Variants in PRDM16 observed in about 807,000 individuals in gnomAD.
PRDM16 encodes histone-lysine N-methyltransferase PRDM16.
PRDM16 carries 23 observed loss-of-function variants against 110.6 expected under a neutral mutation model. The ratio of observed to expected loss-of-function variants is 0.21; its 90% CI spans 0.15 to 0.29. The LOEUF (loss-of-function observed/expected upper bound fraction) is 0.29. Among genes scored for constraint, PRDM16 ranks in the 10% least tolerant of loss-of-function variants. The probability of loss-of-function intolerance (pLI) is 1.00; values close to 1 mark genes in which losing one functional copy is unlikely to be tolerated. For synonymous variants in PRDM16, 799 were observed against 781.8 expected, an observed-to-expected ratio of 1.02 and a Z score of -0.37; for missense variants, 1,615 against 1,794.3, an observed-to-expected ratio of 0.90 and a Z score of 1.81.
rs532370656 is a variant in PRDM16, at chr1:3,090,951, G to A, written c.37+21655G>A. Among the ~76,000 whole-genome samples the A allele has an allele frequency of 1.2e-4, 18 of 152,338 alleles. 1 individual carries two copies. The South Asian group carries it at 3.7e-3, about 32-fold the overall frequency. On this transcript the variant is annotated intron_variant, in intron 1 of 16. Transcript: ENST00000270722. The stretch of plus-strand genomic sequence containing the variant: ...TTGTGTGTGATCTATGGGGAGCCAC[G>A]AACGAGAAGCAGACAGCCCCCAGGG...
rs535905719 is a variant in PRDM16, at chr1:3,258,507, G to A, written c.438+14370G>A. 6.2e-4 allele frequency among the ~76,000 whole-genome samples: 95 copies of A among 152,232 alleles called. 1 individual carries two copies. Among genetic ancestry groups the A allele is most frequent in the Middle Eastern group, 6.8e-3 (2 of 294 alleles). Reference sequence around the variant, plus strand: ...CTGCATTGGGAAACTGTTTCTTCTTGCCCAGTTAACAAGATGTTTCTCCAG... The same window carrying A: ...CTGCATTGGGAAACTGTTTCTTCTTACCCAGTTAACAAGATGTTTCTCCAG... On this transcript the variant is annotated intron_variant, in intron 3 of 16. Coordinates refer to ENST00000270722, the MANE Select transcript of PRDM16 (RefSeq NM_022114.4).
At chr1:3,383,811 G>A (rs926006195) in intron 3 of PRDM16, among the ~76,000 whole-genome samples, 6 of 149,602 alleles carry the variant, frequency 4.0e-5, no homozygotes, top group Non-Finnish European at 7.4e-5. Flanking sequence ...ACCCCTGCCC[G>A]CCCAGACACA....
At position 3,110,830 on chromosome 1, in the gene PRDM16, G is replaced by A. The variant is rs144177593; in HGVS notation, c.37+41534G>A. ...GGGAGGGATGGAGGCCACGTGTGAG[G>A]GGCACATGCTTGGGGCCGGGATGAG... On this transcript the variant is annotated intron_variant, in intron 1 of 16. Coordinates refer to ENST00000270722, the MANE Select transcript of PRDM16 (RefSeq NM_022114.4). Among the ~76,000 whole-genome samples, 1,268 of 152,276 alleles carry A rather than the reference G, an allele frequency of 8.3e-3. 19 individuals carry two copies. The highest frequency in any genetic ancestry group is 0.029 in the African/African-American group (1,216 of 41,548).
At chr1:3,092,570 C>T (rs568862638) in intron 1 of PRDM16, among the ~76,000 whole-genome samples, 42 of 152,320 alleles carry the variant, frequency 2.8e-4, no homozygotes, top group Non-Finnish European at 5.3e-4. Flanking sequence ...TTCTGGTCAG[C>T]GAGTGGGAAA....
chr1:3,249,267 G>A (rs1336550040), intron 3 of PRDM16, among the ~76,000 whole-genome samples: 3 of 152,148 alleles, frequency 2.0e-5, no homozygotes, highest in Non-Finnish European at 4.4e-5. Context: ...TGGAGAGATG[G>A]AGGGACCCTC....
chr1:3,105,087 T>TCAG (rs781059819), intron 1 of PRDM16, among the ~76,000 whole-genome samples: 10 of 151,958 alleles, frequency 6.6e-5, no homozygotes, highest in Non-Finnish European at 1.3e-4. Flanking sequence ...GAAGAAGCTG[T>TCAG]CAGGAGTGCC....
chr1:3,136,943 C>A (rs542844893), intron 1 of PRDM16, among the ~76,000 whole-genome samples: 66 of 152,324 alleles, frequency 4.3e-4, no homozygotes, highest in African/African-American at 1.5e-3. Context: ...TCCTGCTGCC[C>A]CTGGCTCTGG....
intron 3 of PRDM16, among the ~76,000 whole-genome samples, chr1:3,281,401 A>G (rs1640709013): frequency 6.6e-6 from 1 of 152,228 alleles, no homozygotes; most frequent in African/African-American, 2.4e-5. Flanking sequence ...ACTATATGAA[A>G]TCGAAATAGG....
chr1:3,218,730 C>A (rs1639087003), intron 2 of PRDM16, among the ~76,000 whole-genome samples: 1 of 152,204 alleles, frequency 6.6e-6, no homozygotes, highest in Non-Finnish European at 1.5e-5. Context: ...CTTTTCTACT[C>A]TTGGCAGCGA....
intron 8 of PRDM16, among the ~76,000 whole-genome samples, chr1:3,406,377 G>T (rs937761746): frequency 1.3e-5 from 2 of 152,116 alleles, no homozygotes; most frequent in Non-Finnish European, 2.9e-5. Flanking sequence ...GGAGGCTCAG[G>T]AGGGAGCTGT....
intron 2 of PRDM16, among the ~76,000 whole-genome samples, chr1:3,228,352 C>A (rs1639338855): frequency 6.6e-6 from 1 of 152,212 alleles, no homozygotes; most frequent in Non-Finnish European, 1.5e-5. Context: ...AGCCCCACCC[C>A]CAGAAAATTC....
intron 3 of PRDM16, among the ~76,000 whole-genome samples, chr1:3,267,292 T>C (rs1355188680): frequency 6.6e-6 from 1 of 152,212 alleles, no homozygotes; most frequent in Non-Finnish European, 1.5e-5. Context: ...GCTAAAATGT[T>C]CACTGAACAT....
chr1:3,194,039 G>C (rs1008178243), intron 2 of PRDM16, among the ~76,000 whole-genome samples: 1 of 152,250 alleles, frequency 6.6e-6, no homozygotes, highest in Non-Finnish European at 1.5e-5. Flanking sequence ...TTTACGGCCT[G>C]GGCCGAGAGC....
At position 3,195,087 on chromosome 1, in the gene PRDM16, C is replaced by T. The variant is rs142835380; in HGVS notation, c.387+8613C>T. ...TTCCCGTGGAGCCAGCACCGGGCAG[C>T]TCGGCGAGGCACACAGCGTCGGGAT... is the stretch of plus-strand genomic sequence containing the variant. On this transcript the variant is annotated intron_variant, in intron 2 of 16. Coordinates refer to ENST00000270722, the MANE Select transcript of PRDM16 (RefSeq NM_022114.4). Among the ~76,000 whole-genome samples the T allele has an allele frequency of 1.5e-4, 23 of 152,314 alleles. No homozygotes were observed. The East Asian group carries it at 4.4e-3, about 29-fold the overall frequency.
chr1:3,155,578 G>A (rs1643847760), intron 1 of PRDM16, among the ~76,000 whole-genome samples: 4 of 152,356 alleles, frequency 2.6e-5, no homozygotes, highest in South Asian at 2.1e-4. Flanking sequence ...CAGCGTTGCC[G>A]CGTCTCACCC....
chr1:3,357,402 G>A (rs1642628683), intron 3 of PRDM16, among the ~76,000 whole-genome samples: 1 of 150,934 alleles, frequency 6.6e-6, no homozygotes, highest in South Asian at 2.1e-4. Flanking sequence ...TTCCCTCCTG[G>A]GTCTCCAGCT....
chr1:3,375,396 G>A (rs1361475179), intron 3 of PRDM16, among the ~76,000 whole-genome samples: 3 of 152,230 alleles, frequency 2.0e-5, no homozygotes, highest in Non-Finnish European at 4.4e-5. Flanking sequence ...TTTCACTAAA[G>A]ATGCAAGAAC....
chr1:3,315,330 GA>G (rs1473545316), intron 3 of PRDM16, among the ~76,000 whole-genome samples: 1 of 152,146 alleles, frequency 6.6e-6, no homozygotes, highest in Non-Finnish European at 1.5e-5. Context: ...ATTTCAGGAA[GA>G]GGGGCAAATC....
At chr1:3,274,823 G>C (rs935647809) in intron 3 of PRDM16, among the ~76,000 whole-genome samples, 2 of 151,508 alleles carry the variant, frequency 1.3e-5, no homozygotes, top group African/African-American at 4.8e-5. Context: ...TGGGGGCAGT[G>C]GTGTCGAGGG....
Sources: gnomAD v4.1 joint callset for allele counts (sites outside exome capture counted in the v4.1 genomes callset) on GRCh38, gnomAD v4.1.1 for gene constraint, MANE v1.5 for transcripts, NCBI Gene and HGNC (gene_info 2026-07-23, HGNC 2026-07-21) for gene names.